LMTK2: variants seen among roughly 807,000 people sequenced by gnomAD.
LMTK2 encodes serine/threonine-protein kinase LMTK2.
A neutral mutation model predicts 127.5 loss-of-function variants in LMTK2; 37 were observed. The observed-to-expected ratio is 0.29, with a 90% confidence interval of 0.22 to 0.38. LMTK2 has a LOEUF of 0.38. LMTK2 is among the 10% of genes least tolerant of loss of function. The pLI, the probability that LMTK2 is intolerant of heterozygous loss-of-function variation, is 1.00. For synonymous variants in LMTK2, 819 were observed against 810.1 expected, an observed-to-expected ratio of 1.01 and a Z score of -0.19; for missense variants, 1,694 against 1,920.3, an observed-to-expected ratio of 0.88 and a Z score of 2.20.
intron 7 of LMTK2, among the ~76,000 whole-genome samples, chr7:98,172,839 C>T (rs372876463): frequency 1.9e-4 from 29 of 152,264 alleles, no homozygotes; most frequent in African/African-American, 6.7e-4. Context: ...CTCACTACAA[C>T]CTCCACCGCC....
chr7:98,111,287 G>A (rs1236006915), intron 1 of LMTK2, among the ~76,000 whole-genome samples: 1 of 152,196 alleles, frequency 6.6e-6, no homozygotes, highest in East Asian at 1.9e-4. Context: ...GTGTCACTTA[G>A]ATAACAGCTG....
rs116857697 is a variant in LMTK2, at chr7:98,204,841, T to G, written c.4484-623T>G. Among the ~76,000 whole-genome samples the G allele has an allele frequency of 2.7e-4, 41 of 152,310 alleles. 1 individual carries two copies. In the East Asian group the frequency reaches 7.7e-3, roughly 29 times the overall value. On this transcript the variant is annotated intron_variant, in intron 13 of 13. Coordinates refer to ENST00000297293, the MANE Select transcript of LMTK2 (RefSeq NM_014916.4). ...CTCCTCCGCACTCTGTCTCCTCCTT[T>G]CCCAGAGAGAACCTGCTCTTCAGCA...
intron 2 of LMTK2, among the ~76,000 whole-genome samples, chr7:98,139,739 A>G (rs906140539): frequency 2.0e-5 from 3 of 152,242 alleles, no homozygotes; most frequent in Admixed American, 6.5e-5. Flanking sequence ...TCACACGCAT[A>G]TGGAAACACA....
intron 2 of LMTK2, among the ~76,000 whole-genome samples, chr7:98,140,149 T>TTCC (rs1562902751): frequency 1.2e-4 from 1 of 8,208 alleles, no homozygotes; most frequent in African/African-American, 4.6e-4. Flanking sequence ...TTTCTTTTCT[T>TTCC]TTCTTTTCTT....
intron 7 of LMTK2, among the ~76,000 whole-genome samples, chr7:98,179,182 T>C (rs1797316487): frequency 6.6e-6 from 1 of 152,256 alleles, no homozygotes; most frequent in Non-Finnish European, 1.5e-5. Flanking sequence ...TTACCAAGCC[T>C]TTGCATTTCA....
intron 3 of LMTK2, among the ~76,000 whole-genome samples, chr7:98,147,595 C>G (rs1796793113): frequency 6.6e-6 from 1 of 152,152 alleles, no homozygotes; most frequent in South Asian, 2.1e-4. Flanking sequence ...TTCTCACCTC[C>G]TTCTGGGACT....
At chr7:98,137,843 G>T (rs1046535514) in intron 2 of LMTK2, among the ~76,000 whole-genome samples, 1 of 152,190 alleles carries the variant, frequency 6.6e-6, no homozygotes, top group Non-Finnish European at 1.5e-5. Context: ...GTCCGTAAGG[G>T]CTATGAGGAA....
intron 1 of LMTK2, among the ~76,000 whole-genome samples, chr7:98,109,088 T>A (rs1796160305): frequency 6.6e-6 from 1 of 152,176 alleles, no homozygotes; most frequent in South Asian, 2.1e-4. Flanking sequence ...CTTGAACTCC[T>A]GACCTCGTGA....
intron 2 of LMTK2, among the ~76,000 whole-genome samples, chr7:98,138,514 A>G (rs1415891305): frequency 6.6e-6 from 1 of 152,116 alleles, no homozygotes; most frequent in Non-Finnish European, 1.5e-5. Flanking sequence ...GTTCCTTTAG[A>G]ATATTTTGCC....
At chr7:98,178,241 G>A (rs560732471) in intron 7 of LMTK2, among the ~76,000 whole-genome samples, 27 of 152,238 alleles carry the variant, frequency 1.8e-4, no homozygotes, top group Middle Eastern at 3.4e-3. Flanking sequence ...CAGATTACTC[G>A]GGAAAGCATA....
intron 6 of LMTK2, among the ~76,000 whole-genome samples, chr7:98,168,417 G>A (rs1388218139): frequency 7.9e-5 from 12 of 152,246 alleles, no homozygotes; most frequent in African/African-American, 2.9e-4. Context: ...GCGTGGCGGC[G>A]TCAGCTGCCC....
At chr7:98,160,352 A>G (rs1796999725) in intron 6 of LMTK2, among the ~76,000 whole-genome samples, 1 of 152,216 alleles carries the variant, frequency 6.6e-6, no homozygotes, top group Admixed American at 6.5e-5. Flanking sequence ...TATTTCTCTC[A>G]TTGGCAGAGG....
intron 3 of LMTK2, among the ~76,000 whole-genome samples, chr7:98,145,655 TTC>T: frequency 6.6e-6 from 1 of 152,302 alleles, no homozygotes; most frequent in South Asian, 2.1e-4. Context: ...AGGCTTTCTA[TTC>T]TCTGTCATTA....
rs190188754 is a variant in LMTK2, at chr7:98,111,901, A to G, written c.103+4621A>G. On this transcript the variant is annotated intron_variant, in intron 1 of 13. Coordinates refer to ENST00000297293, the MANE Select transcript of LMTK2 (RefSeq NM_014916.4). ...GGTATTGTTACTACTTGAAATTCGT[A>G]GTGTTGGAGAACTATGCTGGAAATT... Among the ~76,000 whole-genome samples, 327 of 152,322 alleles carry G rather than the reference A, an allele frequency of 2.1e-3. 1 individual carries two copies. Among genetic ancestry groups the G allele is most frequent in the African/African-American group, 7.5e-3 (313 of 41,578 alleles).
chr7:98,174,206 A>G (rs745614062), intron 7 of LMTK2, among the ~76,000 whole-genome samples: 5 of 151,952 alleles, frequency 3.3e-5, no homozygotes, highest in Non-Finnish European at 5.9e-5. Context: ...AGCATATCAT[A>G]TAGTATATTT....
At position 98,206,084 on chromosome 7, in the gene LMTK2, GT is replaced by G. The variant is rs1797793287; in HGVS notation, c.*596del. 1.3e-5 allele frequency: 2 copies of G among 153,934 alleles called. No individual in the cohort carries two copies. The highest frequency in any genetic ancestry group is 2.4e-5 in the African/African-American group (1 of 41,578). The allele number at this position is 153,934 out of a possible 1,614,324, so 9.5% of individuals were successfully genotyped here. On this transcript the variant is annotated 3_prime_UTR_variant, in exon 14 of 14. Transcript: ENST00000297293. ...TAGCCACTAGTTTGATTTTTTTTCT[GT>G]TTTATAGTTTGCGCTGCATGGTACT...
At chr7:98,133,758 A>G (rs1348935795) in intron 1 of LMTK2, among the ~76,000 whole-genome samples, 1 of 152,282 alleles carries the variant, frequency 6.6e-6, no homozygotes, top group East Asian at 1.9e-4. Context: ...AGCGTGGCAT[A>G]GTTCATTGGT....
chr7:98,113,323 G>A (rs192680041), intron 1 of LMTK2, among the ~76,000 whole-genome samples: 235 of 152,218 alleles, frequency 1.5e-3, no homozygotes, highest in Non-Finnish European at 2.9e-3. Context: ...CCCTTCCACC[G>A]TGTTTATAAG....
rs993698893 is a variant in LMTK2, at chr7:98,205,792, C to T, written c.*300C>T. 64 of 512,626 alleles carry T rather than the reference C, an allele frequency of 1.2e-4. No homozygotes were observed. The highest frequency in any genetic ancestry group is 2.1e-4 in the Non-Finnish European group (60 of 281,300). The allele number at this position is 512,626 out of a possible 1,614,324, so 31.8% of individuals were successfully genotyped here. On this transcript the variant is annotated 3_prime_UTR_variant, in exon 14 of 14. Coordinates refer to ENST00000297293, the MANE Select transcript of LMTK2 (RefSeq NM_014916.4). The stretch of plus-strand genomic sequence containing the variant: ...TCGGGGGAGGCAGGGGCACAGCCTC[C>T]ATGTGCGCGCGCGTGTGGAGCTGTG...
Sources: allele counts gnomAD v4.1 joint callset (sites outside exome capture counted in the v4.1 genomes callset), GRCh38; gene constraint gnomAD v4.1.1; transcripts MANE v1.5; gene names NCBI Gene and HGNC (gene_info 2026-07-23, HGNC 2026-07-21).